The following CRYL1 variants were observed in gnomAD, a reference collection of about 807,000 sequenced individuals.
CRYL1 encodes the protein crystallin lambda 1.
In CRYL1, 29 loss-of-function variants were observed where a neutral mutation model predicts 36.6. The ratio of observed to expected loss-of-function variants is 0.79; its 90% CI spans 0.59 to 1.08. The LOEUF (loss-of-function observed/expected upper bound fraction) is 1.08. Ranked by LOEUF, CRYL1 falls within the 50% of genes least tolerant of loss-of-function variation. The pLI is 0.00. For synonymous variants in CRYL1, 152 were observed against 151.5 expected (o/e 1.00, Z -0.02); for missense variants, 411 against 407.9 (o/e 1.01, Z -0.06).
At chr13:20,510,744 C>T (rs2033899772) in intron 2 of CRYL1, among the ~76,000 whole-genome samples, 1 of 151,874 alleles carries the variant, frequency 6.6e-6, no homozygotes. Flanking sequence ...TCTCGAGTAG[C>T]TGGGATTACA....
chr13:20,414,752 C>G (rs138597160), intron 5 of CRYL1, among the ~76,000 whole-genome samples: 1 of 152,328 alleles, frequency 6.6e-6, no homozygotes, highest in African/African-American at 2.4e-5. Context: ...CTTGGCCTCA[C>G]GTGGCTTTGG....
At chr13:20,434,921 T>C (rs9506488) in intron 4 of CRYL1, among the ~76,000 whole-genome samples, 1 of 151,926 alleles carries the variant, frequency 6.6e-6, no homozygotes, top group East Asian at 2.0e-4. Flanking sequence ...TTTCCATATA[T>C]ATTCTGCACT....
chr13:20,449,861 A>C (rs1474530467), intron 3 of CRYL1, among the ~76,000 whole-genome samples: 1 of 152,206 alleles, frequency 6.6e-6, no homozygotes, highest in African/African-American at 2.4e-5. Flanking sequence ...CAAAAACCTA[A>C]AATATCTAGG....
chr13:20,503,792 T>C (rs1227689878), intron 2 of CRYL1, among the ~76,000 whole-genome samples: 1 of 152,136 alleles, frequency 6.6e-6, no homozygotes, highest in African/African-American at 2.4e-5. Flanking sequence ...AGTTCAAGAT[T>C]AGGCCAGGGC....
In CRYL1 at chr13:20,404,207, G is replaced by C. The variant is rs757701508; in HGVS notation, c.882C>G (p.His294Gln). 3 of 1,613,974 alleles carry C rather than the reference G, an allele frequency of 1.9e-6. No homozygotes were observed. The highest frequency in any genetic ancestry group is 2.5e-6 in the Non-Finnish European group (3 of 1,179,912). The change falls in exon 8 of 8, where the codon CAC becomes CAG. Residue 294 changes from histidine to glutamine, a missense_variant. His to Gln is a conservative substitution (Grantham distance 24). Transcript: ENST00000298248. ...CCCTCCACTGCCTCCTGGCAGCTAA[G>C]TGCTCCGGGTCATCAGGGACCTTCA... ...MCMKVPDDPE[H>Q]LAARRQWRDE...
intron 6 of CRYL1, among the ~76,000 whole-genome samples, chr13:20,410,678 C>T (rs1243300044): frequency 6.6e-6 from 1 of 152,120 alleles, no homozygotes; most frequent in African/African-American, 2.4e-5. Flanking sequence ...AGAAACAAGA[C>T]AAAGCTCTGT....
At position 20,525,748 on chromosome 13, in the gene CRYL1, C is replaced by A; in HGVS notation, c.41+6G>T. 7.5e-7 allele frequency: 1 copy of A among 1,336,252 alleles called. No homozygotes were observed. 82.8% of individuals were successfully genotyped at this position (1,336,252 alleles called of 1,614,324 possible). On this transcript the variant is annotated splice_donor_region_variant and intron_variant, in intron 1 of 7. Coordinates refer to ENST00000298248, the MANE Select transcript of CRYL1 (RefSeq NM_015974.3). The surrounding 1 kb of genome is among the most constrained non-coding windows in gnomAD (Gnocchi z 4.3). ...AGGGGCAGCAGCGCGGCTCGGAGCC[C>A]TTTACCTGCCAACGATCACCACGCA...
intron 1 of CRYL1, among the ~76,000 whole-genome samples, chr13:20,518,315 A>C (rs2034038348): frequency 6.6e-6 from 1 of 152,148 alleles, no homozygotes; most frequent in South Asian, 2.1e-4. Context: ...GAAATGTTAA[A>C]AGCGCCACCA....
chr13:20,507,728 C>A (rs553754004), intron 2 of CRYL1, among the ~76,000 whole-genome samples: 11 of 151,840 alleles, frequency 7.2e-5, no homozygotes, highest in Non-Finnish European at 1.3e-4. Flanking sequence ...ACCATCCTGG[C>A]TAACACAGTG....
At chr13:20,476,177 C>T (rs1272870889) in intron 3 of CRYL1, among the ~76,000 whole-genome samples, 6 of 152,058 alleles carry the variant, frequency 3.9e-5, no homozygotes, top group Admixed American at 1.3e-4. Flanking sequence ...ACTTGCTGAA[C>T]GCCAGGGCCT....
intron 3 of CRYL1, among the ~76,000 whole-genome samples, chr13:20,474,785 G>A (rs9552195): frequency 0.53 from 80,672 of 151,808 alleles, 22,529 homozygotes; most frequent in South Asian, 0.74. Flanking sequence ...AGAAAGGTTT[G>A]CTGGAGAAAC....
chr13:20,485,862 C>G (rs1027702499), intron 3 of CRYL1, among the ~76,000 whole-genome samples: 3 of 151,828 alleles, frequency 2.0e-5, no homozygotes, highest in Admixed American at 2.0e-4. Flanking sequence ...AATCCAAACC[C>G]TTTAGTTCTT....
rs1034991187 is a variant in CRYL1 at position 20,431,878 on chromosome 13, G to A, written c.633+224C>T. The A allele has an allele frequency of 2.7e-6, 4 of 1,488,526 alleles. No homozygotes were observed. The African/African-American group carries it at 4.2e-5, about 16-fold the overall frequency. 92.2% of individuals were successfully genotyped at this position (1,488,526 alleles called of 1,614,324 possible). ...CATCGTGTCCTGGTATCAGGTGACT[G>A]TAAGAAGAACCTCTCAGGCAGACAG... On this transcript the variant is annotated intron_variant, in intron 5 of 7. Coordinates refer to ENST00000298248, the MANE Select transcript of CRYL1 (RefSeq NM_015974.3).
chr13:20,427,839 C>T (rs2031966929), intron 5 of CRYL1, among the ~76,000 whole-genome samples: 1 of 150,866 alleles, frequency 6.6e-6, no homozygotes, highest in African/African-American at 2.4e-5. Flanking sequence ...CCAGGGATAT[C>T]ACTACAGACC....
At chr13:20,410,383 T>C (rs2031487204) in intron 6 of CRYL1, among the ~76,000 whole-genome samples, 1 of 87,482 alleles carries the variant, frequency 1.1e-5, no homozygotes, top group African/African-American at 4.6e-5. Flanking sequence ...GGGACTGTAG[T>C]GGGGTGGGGG....
rs756798621 is a variant in CRYL1 at position 20,435,682 on chromosome 13, A to G, written c.439-3386T>C. The stretch of plus-strand genomic sequence containing the variant: ...CCCCCGAAAGGGTTCGACAGATACA[A>G]CGGCAGCGCAGCGCAGGGGCCTGGG... On this transcript the variant is annotated intron_variant, in intron 4 of 7. Coordinates refer to ENST00000298248, the MANE Select transcript of CRYL1 (RefSeq NM_015974.3). This position sits in a 1 kb window ranked among gnomAD's most constrained non-coding sequence, Gnocchi z 4.0. Among the ~76,000 whole-genome samples, 8 of 152,090 alleles carry G rather than the reference A, an allele frequency of 5.3e-5. No individual in the cohort carries two copies. Among genetic ancestry groups the G allele is most frequent in the Non-Finnish European group, 1.2e-4 (8 of 68,004 alleles).
intron 1 of CRYL1, among the ~76,000 whole-genome samples, chr13:20,519,343 G>A (rs1240061782): frequency 6.6e-6 from 1 of 152,152 alleles, no homozygotes. Context: ...GAATGGCGGT[G>A]GGGACCATGA....
chr13:20,508,887 A>AAAAAAACAAACAAAAAAG (rs2033860393), intron 2 of CRYL1, among the ~76,000 whole-genome samples: 3 of 127,082 alleles, frequency 2.4e-5, no homozygotes, highest in African/African-American at 8.6e-5. Context: ...AAAAAAAAAA[A>AAAAAAACAAACAAAAAAG]ACTGACAACA....
intron 4 of CRYL1, among the ~76,000 whole-genome samples, chr13:20,439,309 G>A (rs1457758954): frequency 2.0e-5 from 3 of 151,922 alleles, no homozygotes; most frequent in Non-Finnish European, 4.4e-5. Context: ...ACTCTATTCC[G>A]TTGCACATTA....
Sources: allele counts gnomAD v4.1 joint callset (sites outside exome capture counted in the v4.1 genomes callset), GRCh38; gene constraint gnomAD v4.1.1; non-coding constraint Gnocchi (gnomAD v3.1); transcripts MANE v1.5; gene names NCBI Gene and HGNC (gene_info 2026-07-23, HGNC 2026-07-21).